Variants in DICER1 observed in about 807,000 individuals in gnomAD.
DICER1 encodes the protein dicer 1, ribonuclease III, also known as endoribonuclease Dicer.
In DICER1, 43 loss-of-function variants were observed where a neutral mutation model predicts 194.1. The ratio of observed to expected loss-of-function variants is 0.22; its 90% CI spans 0.17 to 0.29. The LOEUF (loss-of-function observed/expected upper bound fraction) is 0.29, where lower values mean the gene tolerates loss of function less well. Among genes scored for constraint, DICER1 ranks in the 10% least tolerant of loss-of-function variants. The pLI is 1.00. For synonymous variants in DICER1, 832 were observed against 820.5 expected, an observed-to-expected ratio of 1.01 and a Z score of -0.24; for missense variants, 1,608 against 2,317.0, an observed-to-expected ratio of 0.69 and a Z score of 6.28.
intron 24 of DICER1, among the ~76,000 whole-genome samples, chr14:95,091,951 AT>A (rs1387443665): frequency 6.6e-6 from 1 of 152,204 alleles, no homozygotes; most frequent in Non-Finnish European, 1.5e-5. Flanking sequence ...ATAAAAGAAA[AT>A]CATGCATCAA....
Position 95,090,454 on chromosome 14 carries a change from A to G in DICER1, c.*44T>C. 1 of 1,601,272 alleles carries G rather than the reference A, an allele frequency of 6.2e-7. No homozygotes were observed. The highest frequency in any genetic ancestry group is 8.5e-7 in the Non-Finnish European group (1 of 1,170,460). ...TCCGATTTAAATAATTTTCCCCTTA[A>G]TTTTTTTTGTTTTGTTTCTTGTTTT... On this transcript the variant is annotated 3_prime_UTR_variant, in exon 27 of 27. Coordinates refer to ENST00000343455, the MANE Select transcript of DICER1 (RefSeq NM_177438.3).
At chr14:95,131,074 G>A (rs1223583357) in intron 4 of DICER1, among the ~76,000 whole-genome samples, 1 of 151,980 alleles carries the variant, frequency 6.6e-6, no homozygotes, top group African/African-American at 2.4e-5. Flanking sequence ...CTGTCACCCG[G>A]GCTGGAGTGC....
chr14:95,145,895 A>G (rs1361080696), intron 1 of DICER1, among the ~76,000 whole-genome samples: 2 of 152,190 alleles, frequency 1.3e-5, no homozygotes, highest in Non-Finnish European at 2.9e-5. Flanking sequence ...ACACACACAA[A>G]AAAAACTTCA....
At chr14:95,140,354 T>C (rs116685693) in intron 1 of DICER1, among the ~76,000 whole-genome samples, 1,679 of 152,258 alleles carry the variant, frequency 0.011, 35 homozygotes, top group African/African-American at 0.038. Flanking sequence ...TAGGTATATT[T>C]AGATATACAA....
chr14:95,137,166 GGAAGGAAAAGGGGAAGGA>G (rs1673675653), intron 1 of DICER1, among the ~76,000 whole-genome samples: 3 of 150,058 alleles, frequency 2.0e-5, no homozygotes, highest in South Asian at 2.1e-4. Flanking sequence ...AAGAGGAAGG[GGAAGGAAAAGGGGAAGGA>G]GAAGGAAAAG....
chr14:95,109,307 C>T (rs1372212618), intron 14 of DICER1, among the ~76,000 whole-genome samples: 6 of 152,108 alleles, frequency 3.9e-5, no homozygotes, highest in African/African-American at 1.4e-4. Context: ...TTAAAAGGTA[C>T]AAAAATGCTG....
chr14:95,133,258 T>G lies in DICER1; in HGVS notation c.144+57A>C, dbSNP rs1450128044. On this transcript the variant is annotated intron_variant, in intron 2 of 26. Coordinates refer to ENST00000343455, the MANE Select transcript of DICER1 (RefSeq NM_177438.3). ...TTTTATATAAGTTGTGTCAACTATA[T>G]GCTAATGTATTCCATTTTAGTGTAG... The G allele has an allele frequency of 1.9e-6, 3 of 1,580,670 alleles. No individual in the cohort carries two copies. In the African/African-American group the frequency reaches 4.0e-5, roughly 21 times the overall value.
chr14:95,123,116 C>T (rs10138019), intron 8 of DICER1, among the ~76,000 whole-genome samples: 2 of 152,054 alleles, frequency 1.3e-5, no homozygotes, highest in Non-Finnish European at 2.9e-5. Flanking sequence ...AAAATAAGGA[C>T]CTTTTTTGGC....
At chr14:95,106,676 GAAAA>G (rs1012892634) in intron 17 of DICER1, among the ~76,000 whole-genome samples, 1 of 144,866 alleles carries the variant, frequency 6.9e-6, no homozygotes, top group Non-Finnish European at 1.5e-5. Flanking sequence ...GGTGCAAAAA[GAAAA>G]AAAAAATCAA....
At chr14:95,137,834 A>T (rs1182222618) in intron 1 of DICER1, 1 of 154,238 alleles carries the variant, frequency 6.5e-6, no homozygotes. Flanking sequence ...TTCTTTTTGA[A>T]ACTGCAAAGC....
chr14:95,104,207 C>CA, intron 20 of DICER1, 81 bp from the exon 21 acceptor site: 1 of 1,234,660 alleles, frequency 8.1e-7, no homozygotes, highest in Non-Finnish European at 1.1e-6. Flanking sequence ...AATTTAAAAA[C>CA]AAAAACAAAG....
intron 14 of DICER1, among the ~76,000 whole-genome samples, chr14:95,109,913 T>C (rs986335240): frequency 2.0e-5 from 3 of 152,224 alleles, no homozygotes; most frequent in Admixed American, 6.5e-5. Flanking sequence ...ATGGTTACAA[T>C]TGTTCTATTT....
At chr14:95,126,474 C>T in intron 7 of DICER1, 106 bp downstream of exon 7, 1 of 751,214 alleles carries the variant, frequency 1.3e-6, no homozygotes, top group Non-Finnish European at 2.2e-6. Context: ...AGACCTTAAA[C>T]TAAAATGCAA....
intron 23 of DICER1, 59 bp downstream of exon 23, chr14:95,095,766 A>G: frequency 1.3e-6 from 2 of 1,579,006 alleles, no homozygotes; most frequent in East Asian, 4.5e-5. Flanking sequence ...GGCCAACACG[A>G]TGAGATCAAC....
At chr14:95,147,698 T>C (rs1229944212) in intron 1 of DICER1, among the ~76,000 whole-genome samples, 1 of 152,180 alleles carries the variant, frequency 6.6e-6, no homozygotes, top group Non-Finnish European at 1.5e-5. Flanking sequence ...TACCTGGAGA[T>C]AGCATCAGAT....
chr14:95,095,625 C>G (rs1890235057), intron 23 of DICER1, 200 bp downstream of exon 23: 1 of 647,698 alleles, frequency 1.5e-6, no homozygotes, highest in Non-Finnish European at 2.7e-6. Context: ...ATACTCCCAA[C>G]AACCAAAGTT....
chr14:95,110,386 A>G (rs1054706045), intron 14 of DICER1, among the ~76,000 whole-genome samples: 6 of 152,160 alleles, frequency 3.9e-5, no homozygotes, highest in Non-Finnish European at 8.8e-5. Flanking sequence ...CCCCATGCTC[A>G]CTCACAGTGG....
intron 11 of DICER1, among the ~76,000 whole-genome samples, chr14:95,114,872 G>A (rs1381398253): frequency 6.6e-6 from 1 of 152,156 alleles, no homozygotes; most frequent in Non-Finnish European, 1.5e-5. Flanking sequence ...CAGACTGACA[G>A]TAAGACTACA....
chr14:95,153,034 G>A (rs985006220), intron 1 of DICER1, among the ~76,000 whole-genome samples: 3 of 152,126 alleles, frequency 2.0e-5, no homozygotes, highest in East Asian at 1.9e-4. Flanking sequence ...GGCTAAACAC[G>A]GTGAAACCTC....
Sources: allele counts gnomAD v4.1 joint callset (sites outside exome capture counted in the v4.1 genomes callset), GRCh38; gene constraint gnomAD v4.1.1; transcripts MANE v1.5; gene names NCBI Gene and HGNC (gene_info 2026-07-23, HGNC 2026-07-21).